Variants in HDAC3 observed in about 807,000 individuals in gnomAD.
The protein encoded by HDAC3 is SMAP45.
In HDAC3, 21 loss-of-function variants were observed where a neutral mutation model predicts 62.3. That is an observed-to-expected ratio of 0.34 (90% confidence interval 0.24 to 0.49). HDAC3 has a LOEUF of 0.49. Ranked by LOEUF, HDAC3 falls within the 20% of genes least tolerant of loss-of-function variation. The pLI is 0.99. For synonymous variants in HDAC3, 198 were observed against 206.5 expected (o/e 0.96, Z 0.35); for missense variants, 270 against 556.9 (o/e 0.48, Z 5.19).
chr5:141,626,127 T>A lies in HDAC3; in HGVS notation c.921-56A>T, dbSNP rs41290603. 2.2e-3 allele frequency: 3,479 copies of A among 1,604,916 alleles called. 5 individuals carry two copies. Among genetic ancestry groups the A allele is most frequent in the Non-Finnish European group, 2.8e-3 (3,252 of 1,171,626 alleles). ...GACCAAGTGGGCTGAAGGACCCATG[T>A]GGCCATATCTGAGGGACACCCTAGC... On this transcript the variant is annotated intron_variant, in intron 11 of 14. Transcript: ENST00000305264. The surrounding 1 kb of genome is among the most constrained non-coding windows in gnomAD (Gnocchi z 4.6).
rs1255207058 is a variant in HDAC3, at chr5:141,621,448, C to A, written c.*20G>T. 1 of 1,608,756 alleles carries A rather than the reference C, an allele frequency of 6.2e-7. No homozygotes were observed. Among genetic ancestry groups the A allele is most frequent in the Non-Finnish European group, 8.5e-7 (1 of 1,175,272 alleles). On this transcript the variant is annotated 3_prime_UTR_variant, in exon 15 of 15. Coordinates refer to ENST00000305264, the MANE Select transcript of HDAC3 (RefSeq NM_003883.4). ...AGAGGTGAAAAGAAATTCCTTGGGACACAGCATCCCAAGCCACTCTTAAAT... is the reference window on the plus strand; with the variant it reads ...AGAGGTGAAAAGAAATTCCTTGGGAAACAGCATCCCAAGCCACTCTTAAAT...
rs867673675 is a variant in HDAC3, at chr5:141,626,803, C to T, written c.831-520G>A. On this transcript the variant is annotated intron_variant, in intron 10 of 14. Coordinates refer to ENST00000305264, the MANE Select transcript of HDAC3 (RefSeq NM_003883.4). This position sits in a 1 kb window ranked among gnomAD's most constrained non-coding sequence, Gnocchi z 4.6. ...GTGTGTGTATATATATATATATACA[C>T]ACACACACACACACACCTCTCAGAT... Among the ~76,000 whole-genome samples, 253 of 147,710 alleles carry T rather than the reference C, an allele frequency of 1.7e-3. No homozygotes were observed. The highest frequency in any genetic ancestry group is 0.01 in the Middle Eastern group (3 of 288).
At position 141,636,476 on chromosome 5, in the gene HDAC3, G is replaced by A. The variant is rs1182267949; in HGVS notation, c.138+72C>T. The A allele has an allele frequency of 1.1e-5, 15 of 1,407,510 alleles. No individual in the cohort carries two copies. The South Asian group carries it at 1.6e-4, about 15-fold the overall frequency. The allele number at this position is 1,407,510 out of a possible 1,614,324, so 87.2% of individuals were successfully genotyped here. A position where few individuals can be genotyped will look rare whatever the true frequency, so the allele number is the denominator to read the frequency against. ...GGGCGGGTCGCACTTCATGCACTCAGTCCAGCCCACCTATCCCTACGGCCA... is the reference window on the plus strand; with the variant it reads ...GGGCGGGTCGCACTTCATGCACTCAATCCAGCCCACCTATCCCTACGGCCA... On this transcript the variant is annotated intron_variant, in intron 2 of 14. Transcript: ENST00000305264.
rs201234041 is a variant in HDAC3 at position 141,625,406 on chromosome 5, G to T, written c.1060-41C>A. The T allele has an allele frequency of 6.2e-7, 1 of 1,605,820 alleles. No homozygotes were observed. The highest frequency in any genetic ancestry group is 2.2e-5 in the East Asian group (1 of 44,850). ...GAATACAGAGTGAGCAGTTTCCAGAGATTCCCAGGACATGGAATCTCCTAG... is the reference window on the plus strand; with the variant it reads ...GAATACAGAGTGAGCAGTTTCCAGATATTCCCAGGACATGGAATCTCCTAG... On this transcript the variant is annotated intron_variant, in intron 13 of 14. Transcript: ENST00000305264. The surrounding 1 kb of genome is among the most constrained non-coding windows in gnomAD (Gnocchi z 4.0).
At chr5:141,632,477 T>C (rs1317470929) in intron 3 of HDAC3, among the ~76,000 whole-genome samples, 1 of 152,194 alleles carries the variant, frequency 6.6e-6, no homozygotes, top group Non-Finnish European at 1.5e-5. Context: ...TGTAACTTGT[T>C]TGACAGGAAG....
At chr5:141,636,380 G>A (rs940972473) in intron 2 of HDAC3, 168 bp downstream of exon 2, 64 of 647,660 alleles carry the variant, frequency 9.9e-5, no homozygotes, top group Non-Finnish European at 2.0e-5. Context: ...TTAAGCAGAG[G>A]ACGCCACCCC....
chr5:141,635,635 G>C (rs756432888), intron 2 of HDAC3, among the ~76,000 whole-genome samples: 1 of 152,124 alleles, frequency 6.6e-6, no homozygotes, highest in Admixed American at 6.5e-5. Context: ...TTTTTCTTTT[G>C]AGACAAGGTC....
rs1428066256 is a variant in HDAC3 at position 141,629,055 on chromosome 5, GT to G, written c.610+117del. 3.2e-5 allele frequency: 32 copies of G among 998,198 alleles called. No individual in the cohort carries two copies. In the South Asian group the frequency reaches 4.6e-4, roughly 14 times the overall value. 61.8% of individuals were successfully genotyped at this position (998,198 alleles called of 1,614,324 possible). ...GGAGGTGATTATGATAACTGGAGTG[GT>G]AAGGAAAGGCTTCTCTGAGGAGGGG... On this transcript the variant is annotated intron_variant, in intron 7 of 14. Coordinates refer to ENST00000305264, the MANE Select transcript of HDAC3 (RefSeq NM_003883.4). This position sits in a 1 kb window ranked among gnomAD's most constrained non-coding sequence, Gnocchi z 5.3.
Position 141,625,167 on chromosome 5 carries a change from G to A in HDAC3, c.1217+41C>T, listed in dbSNP as rs759163016. The A allele has an allele frequency of 1.2e-5, 19 of 1,558,240 alleles. No homozygotes were observed. Among genetic ancestry groups the A allele is most frequent in the Admixed American group, 4.3e-5 (2 of 46,792 alleles). ...ACTTTTTCCCTTTTAAACCTCCCCAGCAAGCCTATTGAAAGTAGGCTGAAG... is the reference window on the plus strand; with the variant it reads ...ACTTTTTCCCTTTTAAACCTCCCCAACAAGCCTATTGAAAGTAGGCTGAAG... On this transcript the variant is annotated intron_variant, in intron 14 of 14. Transcript: ENST00000305264. The surrounding 1 kb of genome is among the most constrained non-coding windows in gnomAD (Gnocchi z 4.0).
chr5:141,635,208 C>CTTGG, intron 2 of HDAC3: 2 of 397,134 alleles, frequency 5.0e-6, no homozygotes, highest in South Asian at 8.3e-5. Flanking sequence ...AGCCCTGATC[C>CTTGG]ACCTGCCCTG....
rs764559559 is a variant in HDAC3 at position 141,636,533 on chromosome 5, G to C, written c.138+15C>G. On this transcript the variant is annotated intron_variant, in intron 2 of 14. Coordinates refer to ENST00000305264, the MANE Select transcript of HDAC3 (RefSeq NM_003883.4). ...GCCCCACCCCCCAACCCCCGGCCGA[G>C]GCGGCGGAACTCACGATCATCTTCT... The C allele has an allele frequency of 1.2e-6, 2 of 1,612,902 alleles. No individual in the cohort carries two copies. The highest frequency in any genetic ancestry group is 2.2e-5 in the South Asian group (2 of 91,058).
intron 3 of HDAC3, among the ~76,000 whole-genome samples, chr5:141,631,440 T>C (rs1216144361): frequency 6.6e-6 from 1 of 152,242 alleles, no homozygotes; most frequent in Non-Finnish European, 1.5e-5. Context: ...CACACTACAC[T>C]ATTTGGCTTG....
Position 141,628,623 on chromosome 5 carries a change from G to T in HDAC3, c.627C>A (p.Val209=), listed in dbSNP as rs774820949. 3 of 1,613,952 alleles carry T rather than the reference G, an allele frequency of 1.9e-6. No individual in the cohort carries two copies. The highest frequency in any genetic ancestry group is 8.5e-7 in the Non-Finnish European group (1 of 1,179,918). The change falls in exon 8 of 15, where the codon GTC becomes GTA. Residue 209 remains valine, a synonymous_variant. Coordinates refer to ENST00000305264, the MANE Select transcript of HDAC3 (RefSeq NM_003883.4). The surrounding 1 kb of genome is among the most constrained non-coding windows in gnomAD (Gnocchi z 4.7). ...FFPGTGDMYE[V]GAESGRYYCL... is the part of the protein sequence containing the mutation. Reference sequence around the variant, plus strand: ...AGTAGTAGCGGCCACTCTCTGCCCCGACTTCATACATGTCACCTGTAGGGA... The same window carrying T: ...AGTAGTAGCGGCCACTCTCTGCCCCTACTTCATACATGTCACCTGTAGGGA...
In HDAC3 at chr5:141,628,389, G is replaced by T; in HGVS notation, c.691+170C>A. The T allele has an allele frequency of 2.8e-6, 2 of 726,992 alleles. No homozygotes were observed. Among genetic ancestry groups the T allele is most frequent in the East Asian group, 2.7e-5 (1 of 37,372 alleles). The allele number at this position is 726,992 out of a possible 1,614,324, so 45.0% of individuals were successfully genotyped here. On this transcript the variant is annotated intron_variant, in intron 8 of 14. Transcript: ENST00000305264. This position sits in a 1 kb window ranked among gnomAD's most constrained non-coding sequence, Gnocchi z 4.7. ...AGCCAATGACTTTTCCCAGAAAAAT[G>T]CACATACACATGATATGTTGCATAC... is the stretch of plus-strand genomic sequence containing the variant.
chr5:141,621,873 T>C (rs2099903752), intron 14 of HDAC3, among the ~76,000 whole-genome samples: 1 of 152,146 alleles, frequency 6.6e-6, no homozygotes. Context: ...AATGAAGTGA[T>C]AGGACTGAAG....
In HDAC3 at chr5:141,625,414, G is replaced by A; in HGVS notation, c.1060-49C>T. 1 of 1,599,362 alleles carries A rather than the reference G, an allele frequency of 6.3e-7. No individual in the cohort carries two copies. The highest frequency in any genetic ancestry group is 8.6e-7 in the Non-Finnish European group (1 of 1,167,910). On this transcript the variant is annotated intron_variant, in intron 13 of 14. Transcript: ENST00000305264. This position sits in a 1 kb window ranked among gnomAD's most constrained non-coding sequence, Gnocchi z 4.0. ...AGTGAGCAGTTTCCAGAGATTCCCA[G>A]GACATGGAATCTCCTAGCTGCCTTT...
In HDAC3 at chr5:141,634,862, T is replaced by C. The variant is rs768126366; in HGVS notation, c.230A>G (p.Asn77Ser). 1 of 1,614,106 alleles carries C rather than the reference T, an allele frequency of 6.2e-7. No homozygotes were observed. Among genetic ancestry groups the C allele is most frequent in the Non-Finnish European group, 8.5e-7 (1 of 1,180,002 alleles). The change falls in exon 3 of 15, where the codon AAT (asparagine) becomes AGT (serine). Residue 77 changes from asparagine to serine, a missense_variant. Asn to Ser is a conservative substitution (Grantham distance 46, BLOSUM62 1). This residue lies in a region of HDAC3 where 32 missense variants were observed against 37.4 expected (regional missense o/e 0.86). Transcript: ENST00000305264. ...AAGACTCTTGGTGAAGCCTTGCATA[T>C]TGGTGGGGCTGACTCTCTGCAGGAA... ...IDFLQRVSPT[N>S]MQGFTKSLNA...
rs1261688091 is a variant in HDAC3 at position 141,625,373 on chromosome 5, G to A, written c.1060-8C>T. 8.1e-6 allele frequency: 13 copies of A among 1,613,808 alleles called. No individual in the cohort carries two copies. The highest frequency in any genetic ancestry group is 8.5e-6 in the Non-Finnish European group (10 of 1,179,920). ...GCGGATCTGGTCCAGATACTGGTTG[G>A]AAATGAGGAATACAGAGTGAGCAGT... On this transcript the variant is annotated splice_polypyrimidine_tract_variant and splice_region_variant and intron_variant, in intron 13 of 14. Coordinates refer to ENST00000305264, the MANE Select transcript of HDAC3 (RefSeq NM_003883.4). This position sits in a 1 kb window ranked among gnomAD's most constrained non-coding sequence, Gnocchi z 4.0.
intron 2 of HDAC3, chr5:141,635,160 C>T (rs2099905771): frequency 2.0e-6 from 1 of 507,394 alleles, no homozygotes; most frequent in Non-Finnish European, 3.5e-6. Context: ...CTTTTCCTTT[C>T]CACCTCCAGC....
Sources: gnomAD v4.1 joint callset for allele counts (sites outside exome capture counted in the v4.1 genomes callset) on GRCh38, gnomAD v4.1.1 for gene constraint, gnomAD v4.1.1 regional missense constraint, Gnocchi (gnomAD v3.1) non-coding constraint, MANE v1.5 for transcripts, NCBI Gene and HGNC (gene_info 2026-07-23, HGNC 2026-07-21) for gene names.